Variants in DPP6 observed in about 807,000 individuals in gnomAD.
The protein encoded by DPP6 is dipeptidyl peptidase like 6.
DPP6 carries 69 observed loss-of-function variants against 122.6 expected under a neutral mutation model. The ratio of observed to expected loss-of-function variants is 0.56; its 90% CI spans 0.46 to 0.69. The LOEUF (loss-of-function observed/expected upper bound fraction) is 0.69. DPP6 is among the 30% of genes least tolerant of loss of function. DPP6 has a pLI of 0.00. For synonymous variants in DPP6, 418 were observed against 433.1 expected (o/e 0.97, Z 0.43); for missense variants, 928 against 1,116.9 (o/e 0.83, Z 2.41).
intron 1 of DPP6, among the ~76,000 whole-genome samples, chr7:154,236,054 T>G (rs564701589): frequency 2.0e-5 from 3 of 152,268 alleles, no homozygotes; most frequent in Admixed American, 6.5e-5. Context: ...GGTTTCACCA[T>G]GTTGGCCAGG....
intron 1 of DPP6, among the ~76,000 whole-genome samples, chr7:154,331,673 C>CGTGCT (rs1360617669): frequency 1.3e-5 from 2 of 152,112 alleles, no homozygotes; most frequent in Non-Finnish European, 2.9e-5. Context: ...CACATGGGAG[C>CGTGCT]GTGCTGTGCT....
chr7:154,675,085 A>T (rs78018058), intron 7 of DPP6, among the ~76,000 whole-genome samples: 4 of 152,132 alleles, frequency 2.6e-5, no homozygotes, highest in African/African-American at 9.7e-5. Context: ...TTATCGGAGA[A>T]CGTCAATAAA....
chr7:154,023,274 T>C (rs4352760), intron 1 of DPP6, among the ~76,000 whole-genome samples: 1 of 147,732 alleles, frequency 6.8e-6, no homozygotes, highest in Admixed American at 6.8e-5. Context: ...TAATGCAAGG[T>C]GAATAATACC....
intron 1 of DPP6, among the ~76,000 whole-genome samples, chr7:153,914,964 A>G (rs1460531168): frequency 6.6e-6 from 1 of 152,194 alleles, no homozygotes; most frequent in African/African-American, 2.4e-5. Flanking sequence ...ATTTCAAACT[A>G]TCTTGTCCTT....
chr7:154,815,550 A>G (rs1799372528), intron 16 of DPP6, among the ~76,000 whole-genome samples: 1 of 152,216 alleles, frequency 6.6e-6, no homozygotes, highest in South Asian at 2.1e-4. Flanking sequence ...AAACGACTCA[A>G]TCAATCCTGT....
At chr7:154,063,938 C>A (rs1283887887) in intron 1 of DPP6, among the ~76,000 whole-genome samples, 7 of 151,700 alleles carry the variant, frequency 4.6e-5, no homozygotes, top group Non-Finnish European at 1.0e-4. Flanking sequence ...AGGGACAGAG[C>A]ACAGCTAGAG....
chr7:153,813,555 T>C, the DPP6 span, among the ~76,000 whole-genome samples: 1 of 152,148 alleles, frequency 6.6e-6, no homozygotes, highest in East Asian at 1.9e-4. Context: ...ATGGGATGGC[T>C]GGGTCAAATG....
intron 10 of DPP6, among the ~76,000 whole-genome samples, chr7:154,776,140 A>G (rs995684677): frequency 3.3e-5 from 5 of 151,300 alleles, no homozygotes; most frequent in Non-Finnish European, 7.4e-5. Context: ...AGTGGCTTCT[A>G]TTTCTCTCCA....
intron 4 of DPP6, among the ~76,000 whole-genome samples, chr7:154,542,658 T>C (rs990722543): frequency 6.6e-6 from 1 of 152,208 alleles, no homozygotes. Flanking sequence ...AATGCAATCT[T>C]TTTTCCTTAA....
At chr7:154,592,505 T>C (rs1832861636) in intron 5 of DPP6, among the ~76,000 whole-genome samples, 1 of 152,232 alleles carries the variant, frequency 6.6e-6, no homozygotes, top group South Asian at 2.1e-4. Context: ...TCTTACATCC[T>C]GCTGGAAAGA....
At chr7:154,399,174 T>G (rs1296259416) in intron 1 of DPP6, among the ~76,000 whole-genome samples, 2 of 152,210 alleles carry the variant, frequency 1.3e-5, no homozygotes, top group African/African-American at 4.8e-5. Flanking sequence ...CCACACTATC[T>G]CTAGAGTCAC....
intron 1 of DPP6, among the ~76,000 whole-genome samples, chr7:154,183,365 G>T (rs4077523): frequency 0.28 from 42,471 of 151,896 alleles, 5,970 homozygotes; most frequent in East Asian, 0.34. Context: ...TCATTACAAT[G>T]AAAAACAGAA....
rs1458098497 is a variant in DPP6, at chr7:154,605,749, A to G, written c.628-32072A>G. On this transcript the variant is annotated intron_variant, in intron 5 of 25. Coordinates refer to ENST00000377770, the MANE Select transcript of DPP6 (RefSeq NM_130797.4). ...GATTCCTTCTTTCTGCTATCTTTGC[A>G]TTTAATCTATTTTTAAATTTTTAAG... 5.9e-5 allele frequency among the ~76,000 whole-genome samples: 7 copies of G among 118,716 alleles called. 2 individuals are homozygous for G. In the Admixed American group the frequency reaches 6.7e-4, roughly 11 times the overall value. The allele number at this position is 118,716 out of a possible 152,430, so 77.9% of individuals were successfully genotyped here.
intron 1 of DPP6, among the ~76,000 whole-genome samples, chr7:154,382,964 T>C (rs1425890424): frequency 6.6e-6 from 1 of 152,206 alleles, no homozygotes; most frequent in Non-Finnish European, 1.5e-5. Context: ...TGACCTCAGG[T>C]AGTCCGCCCG....
chr7:154,660,535 C>A (rs1355735897), intron 6 of DPP6, among the ~76,000 whole-genome samples: 1 of 126,636 alleles, frequency 7.9e-6, no homozygotes, highest in Non-Finnish European at 1.6e-5. Context: ...CATATTGGCG[C>A]TAGTGTTCAT....
chr7:154,503,875 A>T (rs1288700320), intron 3 of DPP6, among the ~76,000 whole-genome samples: 3 of 152,234 alleles, frequency 2.0e-5, no homozygotes, highest in African/African-American at 4.8e-5. Flanking sequence ...TAATGGGTTG[A>T]TCTGTGCAGC....
intron 1 of DPP6, among the ~76,000 whole-genome samples, chr7:153,962,692 T>C (rs1170254545): frequency 6.6e-6 from 1 of 152,206 alleles, no homozygotes; most frequent in Admixed American, 6.5e-5. Context: ...CTCCAAATGT[T>C]CTTGTTTCTC....
Position 154,483,401 on chromosome 7 carries a change from T to TTTTTTTTAAA in DPP6, c.457+8364_457+8365insTTTTTTTAAA, listed in dbSNP as rs61038137. Among the ~76,000 whole-genome samples, 5 of 151,248 alleles carry TTTTTTTTAAA rather than the reference T, an allele frequency of 3.3e-5. No individual in the cohort carries two copies. The highest frequency in any genetic ancestry group is 1.2e-4 in the African/African-American group (5 of 41,130). On this transcript the variant is annotated intron_variant, in intron 3 of 25. Coordinates refer to ENST00000377770, the MANE Select transcript of DPP6 (RefSeq NM_130797.4). The surrounding 1 kb of genome is among the most constrained non-coding windows in gnomAD (Gnocchi z 8.1). ...AGGCACAATACAATTTTTTTTTTTT[T>TTTTTTTTAAA]AAAAGCATTTATTTGAGCAAACAGT...
chr7:154,530,084 C>G (rs1245353390), intron 3 of DPP6, among the ~76,000 whole-genome samples: 1 of 151,414 alleles, frequency 6.6e-6, no homozygotes, highest in African/African-American at 2.4e-5. Flanking sequence ...AGAAATCACA[C>G]CACTGCACTC....
Sources: allele counts gnomAD v4.1 joint callset (sites outside exome capture counted in the v4.1 genomes callset), GRCh38; gene constraint gnomAD v4.1.1; non-coding constraint Gnocchi (gnomAD v3.1); transcripts MANE v1.5; gene names NCBI Gene and HGNC (gene_info 2026-07-23, HGNC 2026-07-21).